SPAG16: variants seen among roughly 807,000 people sequenced by gnomAD.
The protein encoded by SPAG16 is sperm-associated antigen 16 protein.
A neutral mutation model predicts 80.4 loss-of-function variants in SPAG16; 86 were observed. The ratio of observed to expected loss-of-function variants is 1.07; its 90% confidence interval spans 0.90 to 1.28. The LOEUF (loss-of-function observed/expected upper bound fraction) is 1.28, where lower values mean the gene tolerates loss of function less well. Among genes scored for constraint, SPAG16 ranks in the 50% most tolerant of loss-of-function variants. The pLI is 0.00. For missense variants in SPAG16, 870 were observed against 765.3 expected (o/e 1.14, Z -1.61); for synonymous variants, 294 against 265.9 (o/e 1.11, Z -1.03).
intron 9 of SPAG16, among the ~76,000 whole-genome samples, chr2:213,376,760 CTA>C (rs2066901145): frequency 2.0e-5 from 3 of 152,058 alleles, no homozygotes; most frequent in South Asian, 2.1e-4. Flanking sequence ...ATTTTCTATG[CTA>C]TGTCTGTAAA....
intron 11 of SPAG16, among the ~76,000 whole-genome samples, chr2:213,922,345 A>G (rs907732893): frequency 1.3e-5 from 2 of 152,088 alleles, no homozygotes; most frequent in East Asian, 1.9e-4. Flanking sequence ...TAATTATGCA[A>G]TTCTTGTAGT....
At chr2:214,110,350 A>G (rs1285224351) in intron 14 of SPAG16, among the ~76,000 whole-genome samples, 1 of 144,262 alleles carries the variant, frequency 6.9e-6, no homozygotes, top group African/African-American at 2.6e-5. Context: ...AAGTGTTCTC[A>G]TTGTTCAATC....
At chr2:214,335,730 T>C (rs1393015922) in intron 15 of SPAG16, among the ~76,000 whole-genome samples, 1 of 150,646 alleles carries the variant, frequency 6.6e-6, no homozygotes, top group Non-Finnish European at 1.5e-5. Flanking sequence ...ATCAACCATA[T>C]GTCTATTATT....
At chr2:213,662,169 G>T (rs2063450590) in intron 10 of SPAG16, among the ~76,000 whole-genome samples, 1 of 152,026 alleles carries the variant, frequency 6.6e-6, no homozygotes, top group Non-Finnish European at 1.5e-5. Context: ...TGAGGGGTGA[G>T]GGGGAGGGGA....
chr2:213,851,501 C>T (rs943252835), intron 10 of SPAG16, among the ~76,000 whole-genome samples: 3 of 152,112 alleles, frequency 2.0e-5, no homozygotes, highest in East Asian at 3.8e-4. Context: ...GAGCGAGACT[C>T]CCTCTTAAAA....
chr2:213,444,212 T>G (rs2071160576), intron 9 of SPAG16, among the ~76,000 whole-genome samples: 1 of 152,218 alleles, frequency 6.6e-6, no homozygotes, highest in Non-Finnish European at 1.5e-5. Context: ...TGTAAGTGTA[T>G]TTCACAACCT....
chr2:213,643,701 A>T (rs1407730818), intron 10 of SPAG16, among the ~76,000 whole-genome samples: 1 of 86,580 alleles, frequency 1.2e-5, no homozygotes, highest in African/African-American at 4.4e-5. Context: ...ATTATTTTTT[A>T]TTCTTTTATC....
intron 15 of SPAG16, among the ~76,000 whole-genome samples, chr2:214,395,007 TTA>T (rs1398924280): frequency 1.3e-5 from 2 of 152,196 alleles, no homozygotes; most frequent in Non-Finnish European, 2.9e-5. Flanking sequence ...TAGTATGCAT[TTA>T]TGTTTCCTCC....
intron 15 of SPAG16, among the ~76,000 whole-genome samples, chr2:214,225,884 TA>T (rs1160108848): frequency 7.2e-5 from 11 of 152,130 alleles, no homozygotes; most frequent in African/African-American, 2.4e-4. Context: ...CAGAAGCAAT[TA>T]CAAATGCATT....
At chr2:213,392,819 C>T (rs527386314) in intron 9 of SPAG16, among the ~76,000 whole-genome samples, 2 of 151,674 alleles carry the variant, frequency 1.3e-5, no homozygotes, top group East Asian at 3.9e-4. Flanking sequence ...GCACTCCATC[C>T]TGGGTGATGG....
intron 10 of SPAG16, among the ~76,000 whole-genome samples, chr2:213,858,163 G>C (rs4309528): frequency 0.34 from 52,296 of 152,014 alleles, 9,447 homozygotes; most frequent in South Asian, 0.47. Context: ...AAACATATTT[G>C]ATAAAGATGT....
chr2:213,549,999 T>A (rs2076735356), intron 10 of SPAG16, among the ~76,000 whole-genome samples: 1 of 152,120 alleles, frequency 6.6e-6, no homozygotes, highest in African/African-American at 2.4e-5. Context: ...ACTTAGGGTC[T>A]GAATATTTTT....
intron 15 of SPAG16, among the ~76,000 whole-genome samples, chr2:214,306,617 T>G (rs1694932786): frequency 1.3e-5 from 2 of 152,196 alleles, no homozygotes; most frequent in Admixed American, 6.5e-5. Context: ...AAGCCTTTTC[T>G]GCATCTGTTG....
At chr2:213,562,278 C>A (rs2059618801) in intron 10 of SPAG16, among the ~76,000 whole-genome samples, 1 of 152,094 alleles carries the variant, frequency 6.6e-6, no homozygotes, top group African/African-American at 2.4e-5. Context: ...GAAATTTAAC[C>A]AAAATTATGT....
At chr2:213,572,588 G>A (rs184346848) in intron 10 of SPAG16, among the ~76,000 whole-genome samples, 2 of 152,152 alleles carry the variant, frequency 1.3e-5, no homozygotes, top group Non-Finnish European at 2.9e-5. Flanking sequence ...GGAGGCAGTC[G>A]GCGGGTTCTC....
chr2:213,700,696 G>A (rs1559387350), intron 10 of SPAG16, among the ~76,000 whole-genome samples: 1 of 152,090 alleles, frequency 6.6e-6, no homozygotes, highest in Non-Finnish European at 1.5e-5. Flanking sequence ...TAAAGATAAT[G>A]CTAAATGAAA....
chr2:213,391,490 G>A (rs1461958909), intron 9 of SPAG16, among the ~76,000 whole-genome samples: 11 of 152,190 alleles, frequency 7.2e-5, no homozygotes, highest in Non-Finnish European at 1.5e-5. Context: ...CTTATTACCT[G>A]TACAAACATG....
At chr2:213,914,206 T>C (rs1321407612) in intron 11 of SPAG16, among the ~76,000 whole-genome samples, 1 of 152,126 alleles carries the variant, frequency 6.6e-6, no homozygotes, top group Non-Finnish European at 1.5e-5. Flanking sequence ...AACTTAGAAA[T>C]CTTAAAGATA....
At chr2:213,773,643 C>T (rs2069392809) in intron 10 of SPAG16, among the ~76,000 whole-genome samples, 2 of 152,092 alleles carry the variant, frequency 1.3e-5, no homozygotes, top group Non-Finnish European at 1.5e-5. Flanking sequence ...CAACCTCTGC[C>T]TCCCAGGTTC....
Sources: gnomAD v4.1 joint callset for allele counts (sites outside exome capture counted in the v4.1 genomes callset) on GRCh38, gnomAD v4.1.1 for gene constraint, MANE v1.5 for transcripts, NCBI Gene and HGNC (gene_info 2026-07-23, HGNC 2026-07-21) for gene names.